SRSF11: variants seen among roughly 807,000 people sequenced by gnomAD.
SRSF11 encodes serine and arginine rich splicing factor 11.
SRSF11 carries 9 observed loss-of-function variants against 56.0 expected under a neutral mutation model. The ratio of observed to expected loss-of-function variants is 0.16; its 90% CI spans 0.10 to 0.28. The LOEUF (loss-of-function observed/expected upper bound fraction) is 0.28, where lower values mean the gene tolerates loss of function less well. SRSF11 is among the 10% of genes least tolerant of loss of function. The pLI is 1.00. For missense variants in SRSF11, 421 were observed against 600.7 expected, an observed-to-expected ratio of 0.70 and a Z score of 3.13; for synonymous variants, 222 against 215.3, an observed-to-expected ratio of 1.03 and a Z score of -0.27.
intron 5 of SRSF11, among the ~76,000 whole-genome samples, chr1:70,236,514 TAG>T (rs1374298424): frequency 6.6e-6 from 1 of 151,980 alleles, no homozygotes; most frequent in African/African-American, 2.4e-5. Flanking sequence ...GTACTTTTAG[TAG>T]AGACGGGGTT....
In SRSF11 at chr1:70,250,400, A is replaced by T. The variant is rs1677735259; in HGVS notation, c.1154A>T (p.Glu385Val). 1 of 1,603,732 alleles carries T rather than the reference A, an allele frequency of 6.2e-7. No homozygotes were observed. The highest frequency in any genetic ancestry group is 8.5e-7 in the Non-Finnish European group (1 of 1,170,972). Residue 385 changes from glutamate (E) to valine (V), a missense_variant, in exon 11 of 12, where the codon GAA (glutamate) becomes GTA (valine). By Grantham distance (121) the Glu-to-Val change is moderately radical (BLOSUM62 -2). Around this residue, in one of 2 missense-constraint regions of SRSF11, gnomAD observed 253 missense variants for 305.8 expected, o/e 0.83. Coordinates refer to ENST00000370949, the MANE Select transcript of SRSF11 (RefSeq NM_001350605.2). The stretch of plus-strand genomic sequence containing the variant: ...GAGAAGAAGAAAGATAAAGACAAAG[A>T]AAGAAGTAGGGATGAAAGAGAACGA... ...KKEKKKDKDK[E>V]RSRDERERST...
chr1:70,236,580 A>G (rs551240243), intron 5 of SRSF11, among the ~76,000 whole-genome samples: 1 of 150,748 alleles, frequency 6.6e-6, no homozygotes, highest in South Asian at 2.1e-4. Flanking sequence ...TCCACCCGCC[A>G]AGGCTTCCCA....
chr1:70,210,525 C>A (rs1669469661), intron 1 of SRSF11, among the ~76,000 whole-genome samples: 1 of 152,114 alleles, frequency 6.6e-6, no homozygotes, highest in Non-Finnish European at 1.5e-5. Flanking sequence ...CCAGCCTGGA[C>A]AATATCTTGA....
At chr1:70,247,212 G>C (rs576329522) in intron 9 of SRSF11, 1 of 631,654 alleles carries the variant, frequency 1.6e-6, no homozygotes, top group South Asian at 7.1e-5. Flanking sequence ...GTTCCATTAA[G>C]TAAGCTTATT....
At chr1:70,240,577 A>G (rs1474502756) in intron 7 of SRSF11, among the ~76,000 whole-genome samples, 1 of 151,506 alleles carries the variant, frequency 6.6e-6, no homozygotes, top group African/African-American at 2.4e-5. Context: ...CCATTGCTCT[A>G]GGTTATTCAC....
chr1:70,231,697 TGATTCCAACA>T, intron 2 of SRSF11: 1 of 1,194,654 alleles, frequency 8.4e-7, no homozygotes, highest in Non-Finnish European at 1.1e-6. Flanking sequence ...GCCCTACGCT[TGATTCCAACA>T]GAATATTTCC....
chr1:70,240,593 A>G (rs1017650815), intron 7 of SRSF11, among the ~76,000 whole-genome samples: 6 of 129,058 alleles, frequency 4.6e-5, no homozygotes, highest in Admixed American at 4.6e-4. Flanking sequence ...TTCACCAACT[A>G]TTTCAGCCAT....
intron 1 of SRSF11, among the ~76,000 whole-genome samples, chr1:70,215,180 G>A (rs1669900819): frequency 6.6e-6 from 1 of 152,012 alleles, no homozygotes; most frequent in Non-Finnish European, 1.5e-5. Context: ...TTATAAGCAT[G>A]AGCCACCACT....
rs1677850978 is a variant in SRSF11 at position 70,250,877 on chromosome 1, T to TACA, written c.*73_*74insCAA. The stretch of plus-strand genomic sequence containing the variant: ...TCCTTTGTGTGATTTCTTAATGCTG[T>TACA]ATTTGTTCATCTCAAACCTAGATGT... On this transcript the variant is annotated 3_prime_UTR_variant, in exon 12 of 12. Coordinates refer to ENST00000370949, the MANE Select transcript of SRSF11 (RefSeq NM_001350605.2). 1 of 1,367,782 alleles carries TACA rather than the reference T, an allele frequency of 7.3e-7. No individual in the cohort carries two copies. Among genetic ancestry groups the TACA allele is most frequent in the African/African-American group, 1.4e-5 (1 of 69,566 alleles). 84.7% of individuals were successfully genotyped at this position (1,367,782 alleles called of 1,614,324 possible).
In SRSF11 at chr1:70,250,948, ATTAG is replaced by A. The variant is rs1236323485; in HGVS notation, c.*147_*150del. 5.8e-6 allele frequency: 4 copies of A among 689,608 alleles called. No individual in the cohort carries two copies. Among genetic ancestry groups the A allele is most frequent in the Non-Finnish European group, 9.5e-6 (4 of 420,166 alleles). 42.7% of individuals were successfully genotyped at this position (689,608 alleles called of 1,614,324 possible). A position where few individuals can be genotyped will look rare whatever the true frequency, so the allele number is the denominator to read the frequency against. On this transcript the variant is annotated 3_prime_UTR_variant, in exon 12 of 12. Transcript: ENST00000370949. ...TGGTTATAAAGCTCCTGTTACTCAT[ATTAG>A]TTATTTACATCAAAAAGCTTTTAGA...
rs533630898 is a variant in SRSF11 at position 70,252,058 on chromosome 1, A to C, written c.*1253A>C. 3 of 152,716 alleles carry C rather than the reference A, an allele frequency of 2.0e-5. No homozygotes were observed. The East Asian group carries it at 5.8e-4, about 29-fold the overall frequency. 9.5% of individuals were successfully genotyped at this position (152,716 alleles called of 1,614,324 possible). On this transcript the variant is annotated 3_prime_UTR_variant, in exon 12 of 12. Coordinates refer to ENST00000370949, the MANE Select transcript of SRSF11 (RefSeq NM_001350605.2). ...TTATTTACGCTACTGAATGTATGAC[A>C]TTTACCTCATTCATTTTACAAATTC...
In SRSF11 at chr1:70,252,416, G is replaced by A. The variant is rs893988855; in HGVS notation, c.*1611G>A. 6.6e-6 allele frequency: 1 copy of A among 152,072 alleles called. No homozygotes were observed. The highest frequency in any genetic ancestry group is 1.5e-5 in the Non-Finnish European group (1 of 67,968). The allele number at this position is 152,072 out of a possible 1,614,324, so 9.4% of individuals were successfully genotyped here. On this transcript the variant is annotated 3_prime_UTR_variant, in exon 12 of 12. Transcript: ENST00000370949. ...CATTTATGAAATGAGTAGTGTTTGG[G>A]TGGCTGGGGTTAAGGGAAAATGAGA...
chr1:70,221,010 T>C (rs1259933745), upstream of SRSF11: 1 of 152,230 alleles, frequency 6.6e-6, no homozygotes, highest in Non-Finnish European at 1.5e-5. Flanking sequence ...CATTTTATAC[T>C]GGTGGTGGTG....
At chr1:70,249,055 CAG>C (rs1292911512) in intron 9 of SRSF11, 1 of 151,722 alleles carries the variant, frequency 6.6e-6, no homozygotes. Context: ...GAATCAGGAA[CAG>C]AATTTTTTTT....
chr1:70,221,685 G>A lies in SRSF11; in HGVS notation c.49G>A (p.Gly17Ser). 6.2e-7 allele frequency: 1 copy of A among 1,610,350 alleles called. No individual in the cohort carries two copies. The highest frequency in any genetic ancestry group is 8.5e-7 in the Non-Finnish European group (1 of 1,177,426). ...VPSTAGPGPS[G>S]GPGGGGGGGG... ...CAGCACTGCAGGTCCGGGCCCCAGC[G>A]GCGGGCCCGGTGGCGGAGGTGGTGG... The change falls in exon 1 of 12, where the codon GGC becomes AGC. Residue 17 changes from glycine (G) to serine (S), a missense_variant. Transcript: ENST00000370949.
chr1:70,250,516 A>G lies in SRSF11; in HGVS notation c.1257+13A>G, dbSNP rs1288017280. On this transcript the variant is annotated intron_variant, in intron 11 of 11. Transcript: ENST00000370949. ...TAAAGATGTAAAAGTATGTTTACAA[A>G]TTGATTTATTTTTATATTTGGGGTG... 5 of 1,606,520 alleles carry G rather than the reference A, an allele frequency of 3.1e-6. No homozygotes were observed. Among genetic ancestry groups the G allele is most frequent in the Non-Finnish European group, 4.3e-6 (5 of 1,175,942 alleles).
At chr1:70,247,165 T>C in intron 9 of SRSF11, 1 of 965,624 alleles carries the variant, frequency 1.0e-6, no homozygotes, top group Non-Finnish European at 1.3e-6. Context: ...TTTTTCTCTT[T>C]ATAGTTTAAG....
chr1:70,223,386 T>C (rs1209540734), intron 1 of SRSF11, among the ~76,000 whole-genome samples: 1 of 152,196 alleles, frequency 6.6e-6, no homozygotes, highest in Non-Finnish European at 1.5e-5. Context: ...CTGGTTCATC[T>C]TTTACCTAAT....
intron 8 of SRSF11, among the ~76,000 whole-genome samples, chr1:70,246,387 ATG>A (rs891120705): frequency 2.0e-5 from 3 of 152,102 alleles, no homozygotes; most frequent in African/African-American, 7.2e-5. Context: ...TTGACATGGG[ATG>A]TGTGTCTTGG....
Sources: gnomAD v4.1 joint callset for allele counts (sites outside exome capture counted in the v4.1 genomes callset) on GRCh38, gnomAD v4.1.1 for gene constraint, gnomAD v4.1.1 regional missense constraint, MANE v1.5 for transcripts, NCBI Gene and HGNC (gene_info 2026-07-23, HGNC 2026-07-21) for gene names.